Variants in DCAF10 observed in about 807,000 individuals in gnomAD.
DCAF10 encodes DDB1- and CUL4-associated factor 10.
DCAF10 carries 19 observed loss-of-function variants against 51.9 expected under a neutral mutation model. The ratio of observed to expected loss-of-function variants is 0.37; its 90% CI spans 0.26 to 0.54. The LOEUF (loss-of-function observed/expected upper bound fraction) is 0.54, where lower values mean the gene tolerates loss of function less well. Ranked by LOEUF, DCAF10 falls within the 20% of genes least tolerant of loss-of-function variation. The probability of loss-of-function intolerance (pLI) is 0.87; values close to 1 mark genes in which losing one functional copy is unlikely to be tolerated. For synonymous variants in DCAF10, 291 were observed against 297.1 expected, an observed-to-expected ratio of 0.98 and a Z score of 0.21; for missense variants, 510 against 730.6, an observed-to-expected ratio of 0.70 and a Z score of 3.48.
At position 37,858,072 on chromosome 9, in the gene DCAF10, T is replaced by C. The variant is rs117452715; in HGVS notation, c.1165+721T>C. ...TGTCATTTTGGGTCACTTTTGGAGA[T>C]AGACATTTCTCTACCTTGTTATTTT... On this transcript the variant is annotated intron_variant, in intron 5 of 6. Transcript: ENST00000377724. Among the ~76,000 whole-genome samples the C allele has an allele frequency of 5.8e-4, 88 of 152,308 alleles. 2 individuals are homozygous for C. In the East Asian group the frequency reaches 0.016, roughly 27 times the overall value.
chr9:37,843,580 A>T (rs1212470355), intron 3 of DCAF10, among the ~76,000 whole-genome samples: 1 of 152,226 alleles, frequency 6.6e-6, no homozygotes, highest in African/African-American at 2.4e-5. Flanking sequence ...GAAGGGAAGG[A>T]AAAAAGATAA....
At chr9:37,846,717 A>G (rs1030857211) in intron 3 of DCAF10, among the ~76,000 whole-genome samples, 17 of 152,112 alleles carry the variant, frequency 1.1e-4, no homozygotes, top group African/African-American at 4.1e-4. Flanking sequence ...CGGCCTCCCA[A>G]AGTGCTGGGA....
intron 2 of DCAF10, among the ~76,000 whole-genome samples, chr9:37,837,558 G>T (rs933425257): frequency 1.3e-5 from 2 of 151,570 alleles, no homozygotes; most frequent in African/African-American, 4.8e-5. Flanking sequence ...TTTGGTAAAT[G>T]TCACTCTGTT....
chr9:37,862,710 A>G lies in DCAF10; in HGVS notation c.*1202A>G, dbSNP rs1400414072. On this transcript the variant is annotated 3_prime_UTR_variant, in exon 7 of 7. Coordinates refer to ENST00000377724, the MANE Select transcript of DCAF10 (RefSeq NM_024345.5). ...CACAAGGCTGACTGTTCTACTTTGAATAACAGCTTCCTTGCAGTCTCCTCC... is the reference window on the plus strand; with the variant it reads ...CACAAGGCTGACTGTTCTACTTTGAGTAACAGCTTCCTTGCAGTCTCCTCC... 1 of 152,270 alleles carries G rather than the reference A, an allele frequency of 6.6e-6. No individual in the cohort carries two copies. The highest frequency in any genetic ancestry group is 1.5e-5 in the Non-Finnish European group (1 of 68,056). 9.4% of individuals were successfully genotyped at this position (152,270 alleles called of 1,614,324 possible).
chr9:37,852,930 T>TATATATATA (rs1830710395), intron 3 of DCAF10, among the ~76,000 whole-genome samples: 22 of 109,822 alleles, frequency 2.0e-4, no homozygotes, highest in Non-Finnish European at 2.6e-4. Context: ...GTATGTGAGG[T>TATATATATA]TATATATATA....
intron 2 of DCAF10, among the ~76,000 whole-genome samples, chr9:37,823,575 A>G (rs1829766667): frequency 6.7e-6 from 1 of 148,420 alleles, no homozygotes. Context: ...TTATTAAGAG[A>G]AAAGAATTTA....
At position 37,801,123 on chromosome 9, in the gene DCAF10, G is replaced by T. The variant is rs751998238; in HGVS notation, c.257G>T (p.Gly86Val). The T allele has an allele frequency of 3.8e-5, 58 of 1,536,684 alleles. No individual in the cohort carries two copies. The highest frequency in any genetic ancestry group is 1.2e-4 in the Admixed American group (6 of 50,550). The change falls in exon 1 of 7, where the codon GGA becomes GTA. Residue 86 changes from glycine to valine, a missense_variant. Physicochemically the swap from Gly to Val is moderately radical, Grantham distance 109. Around this residue, in one of 4 missense-constraint regions of DCAF10, gnomAD observed 251 missense variants for 227.9 expected, o/e 1.10. Transcript: ENST00000377724. The surrounding 1 kb of genome is among the most constrained non-coding windows in gnomAD (Gnocchi z 5.5). ...APESSTASAP[G>V]EPSPPSPPCR... ...GAGTCCTCAACTGCCTCCGCCCCGGGAGAGCCGTCACCTCCCTCCCCTCCG... is the reference window on the plus strand; with the variant it reads ...GAGTCCTCAACTGCCTCCGCCCCGGTAGAGCCGTCACCTCCCTCCCCTCCG...
At chr9:37,816,498 G>A (rs559450807) in intron 1 of DCAF10, among the ~76,000 whole-genome samples, 2 of 152,284 alleles carry the variant, frequency 1.3e-5, no homozygotes, top group African/African-American at 4.8e-5. Flanking sequence ...GCTGAGGCAG[G>A]AAAATCTTTT....
At chr9:37,853,102 A>T (rs554854811) in intron 3 of DCAF10, among the ~76,000 whole-genome samples, 99 of 149,714 alleles carry the variant, frequency 6.6e-4, no homozygotes, top group African/African-American at 2.4e-3. Context: ...CAGTAAGCCA[A>T]GATCGCGCCA....
At chr9:37,831,996 C>G (rs1242169783) in intron 2 of DCAF10, 3 of 152,178 alleles carry the variant, frequency 2.0e-5, no homozygotes, top group African/African-American at 7.2e-5. Context: ...TATGAAGTTG[C>G]AGGGAGAAGC....
At position 37,861,282 on chromosome 9, in the gene DCAF10, G is replaced by A. The variant is rs758068545; in HGVS notation, c.1454G>A (p.Arg485Gln). The A allele has an allele frequency of 2.5e-6, 4 of 1,614,164 alleles. No homozygotes were observed. Among genetic ancestry groups the A allele is most frequent in the South Asian group, 1.1e-5 (1 of 91,078 alleles). Residue 485 changes from arginine (R) to glutamine (Q), a missense_variant, in exon 7 of 7, where the codon CGA becomes CAA. By Grantham distance (43) the Arg-to-Gln change is conservative. This residue lies in a region of DCAF10 where 104 missense variants were observed against 206.2 expected (regional missense o/e 0.50). Coordinates refer to ENST00000377724, the MANE Select transcript of DCAF10 (RefSeq NM_024345.5). The surrounding 1 kb of genome is among the most constrained non-coding windows in gnomAD (Gnocchi z 4.9). ...IKELCFSPDGRMISSPHGYGI... is the reference protein window; with the variant it reads ...IKELCFSPDGQMISSPHGYGI... ...GAACTTTGCTTCAGCCCCGATGGAC[G>A]AATGATTTCTTCCCCACATGGCTAT...
At position 37,801,885 on chromosome 9, in the gene DCAF10, A is replaced by G. The variant is rs998309464; in HGVS notation, c.539+480A>G. Among the ~76,000 whole-genome samples the G allele has an allele frequency of 6.6e-6, 1 of 152,250 alleles. No homozygotes were observed. The highest frequency in any genetic ancestry group is 2.4e-5 in the African/African-American group (1 of 41,458). On this transcript the variant is annotated intron_variant, in intron 1 of 6. Transcript: ENST00000377724. This position sits in a 1 kb window ranked among gnomAD's most constrained non-coding sequence, Gnocchi z 5.5. ...AAGTGCGTTCCTTTGCTCAAGGAAG[A>G]TACAGTACTAAGACACTGTAGAGAC... is the stretch of plus-strand genomic sequence containing the variant.
intron 2 of DCAF10, among the ~76,000 whole-genome samples, chr9:37,837,416 G>A (rs1431474271): frequency 2.1e-5 from 3 of 144,338 alleles, no homozygotes; most frequent in African/African-American, 7.7e-5. Context: ...ATGAGATCGC[G>A]CCACTGCACT....
chr9:37,845,640 T>A (rs1830452066), intron 3 of DCAF10, among the ~76,000 whole-genome samples: 1 of 152,164 alleles, frequency 6.6e-6, no homozygotes, highest in Admixed American at 6.5e-5. Flanking sequence ...CTGCCCTGAG[T>A]TACCCTCTGA....
intron 2 of DCAF10, among the ~76,000 whole-genome samples, chr9:37,828,421 G>A (rs1046138848): frequency 6.6e-6 from 1 of 151,512 alleles, no homozygotes; most frequent in African/African-American, 2.4e-5. Context: ...GACAGCCTGA[G>A]CAAAATAGCA....
At position 37,867,389 on chromosome 9, in the gene DCAF10, A is replaced by G. The variant is rs182875680; in HGVS notation, c.*5881A>G. ...TTCATGGTTTTTACATAAAGGGTGA[A>G]TATTTGAATTTTCTTTTAAATTTCA... On this transcript the variant is annotated 3_prime_UTR_variant, in exon 7 of 7. Coordinates refer to ENST00000377724, the MANE Select transcript of DCAF10 (RefSeq NM_024345.5). 2.6e-4 allele frequency: 40 copies of G among 152,044 alleles called. No homozygotes were observed. 9.4% of individuals were successfully genotyped at this position (152,044 alleles called of 1,614,324 possible). A position where few individuals can be genotyped will look rare whatever the true frequency, so the allele number is the denominator to read the frequency against.
chr9:37,800,986 C>T lies in DCAF10; in HGVS notation c.120C>T (p.Pro40=), dbSNP rs546251120. Residue 40 remains proline (P), a synonymous_variant, in exon 1 of 7, where the codon CCC becomes CCT. Transcript: ENST00000377724. The stretch of plus-strand genomic sequence containing the variant: ...CCGGGCCGCCCTCGCCACTACATCC[C>T]GGGGCTGATGCGACCCATCCCCCTC... The part of the protein sequence containing the change: ...AATGPPSPLH[P]GADATHPPPP... 5 of 1,530,800 alleles carry T rather than the reference C, an allele frequency of 3.3e-6. No homozygotes were observed. Among genetic ancestry groups the T allele is most frequent in the African/African-American group, 2.8e-5 (2 of 71,082 alleles). The allele number at this position is 1,530,800 out of a possible 1,614,324, so 94.8% of individuals were successfully genotyped here.
chr9:37,855,035 G>C, intron 4 of DCAF10, 53 bp downstream of exon 4: 1 of 1,500,238 alleles, frequency 6.7e-7, no homozygotes, highest in Non-Finnish European at 9.0e-7. Flanking sequence ...CTCAAACATA[G>C]AGATGGTATA....
chr9:37,851,313 C>A (rs1737186564), intron 3 of DCAF10, among the ~76,000 whole-genome samples: 1 of 151,996 alleles, frequency 6.6e-6, no homozygotes, highest in African/African-American at 2.4e-5. Context: ...CTCTCAAGTA[C>A]CTGGGACCAC....
Sources: gnomAD v4.1 joint callset for allele counts (sites outside exome capture counted in the v4.1 genomes callset) on GRCh38, gnomAD v4.1.1 for gene constraint, gnomAD v4.1.1 regional missense constraint, Gnocchi (gnomAD v3.1) non-coding constraint, MANE v1.5 for transcripts, NCBI Gene and HGNC (gene_info 2026-07-23, HGNC 2026-07-21) for gene names.